The following FIGNL2 variants were observed in gnomAD, a reference collection of about 807,000 sequenced individuals.
FIGNL2 encodes the protein fidgetin like 2.
For synonymous variants in FIGNL2, 565 were observed against 484.0 expected (o/e 1.17, Z -2.20); for missense variants, 1,060 against 950.2 (o/e 1.12, Z -1.52).
At chr12:51,834,573 G>A (rs1213447513) in intron 1 of FIGNL2, among the ~76,000 whole-genome samples, 1 of 152,250 alleles carries the variant, frequency 6.6e-6, no homozygotes, top group Non-Finnish European at 1.5e-5. Flanking sequence ...GAGATGTGGT[G>A]AGGGGTGTGC....
At chr12:51,844,932 C>T (rs1939719662) in intron 1 of FIGNL2, 2 of 935,484 alleles carry the variant, frequency 2.1e-6, no homozygotes, top group African/African-American at 3.6e-5. Flanking sequence ...GTGGGGAGGT[C>T]AGGAAACCCA....
At chr12:51,844,562 C>T (rs1939712381) in intron 1 of FIGNL2, 1 of 434,818 alleles carries the variant, frequency 2.3e-6, no homozygotes, top group Non-Finnish European at 3.1e-6. Flanking sequence ...TTCATCCTCA[C>T]AATATCCTGC....
rs1310682027 is a variant in FIGNL2 at position 51,820,025 on chromosome 12, G to A, written c.*427C>T. 1.5e-5 allele frequency: 3 copies of A among 199,706 alleles called. No homozygotes were observed. Among genetic ancestry groups the A allele is most frequent in the Non-Finnish European group, 1.0e-5 (1 of 98,102 alleles). 12.4% of individuals were successfully genotyped at this position (199,706 alleles called of 1,614,324 possible). ...GGGCCAGCATGGGGTGGGCAGGGGT[G>A]TCAGCGACAAAGCAAAAGGGAGAGA... On this transcript the variant is annotated 3_prime_UTR_variant, in exon 2 of 2. Coordinates refer to ENST00000618634, the MANE Select transcript of FIGNL2 (RefSeq NM_001384995.1).
chr12:51,834,863 C>G (rs896033511), intron 1 of FIGNL2, among the ~76,000 whole-genome samples: 2 of 152,218 alleles, frequency 1.3e-5, no homozygotes, highest in African/African-American at 4.8e-5. Flanking sequence ...TCATAGTTAT[C>G]CATCGTTTTC....
chr12:51,837,225 A>G (rs1022377828), intron 1 of FIGNL2, among the ~76,000 whole-genome samples: 3 of 152,026 alleles, frequency 2.0e-5, no homozygotes, highest in African/African-American at 7.3e-5. Flanking sequence ...TAAAATCCCA[A>G]TTTACACACT....
Position 51,825,480 on chromosome 12 carries a change from C to CG in FIGNL2, c.-11-3057_-11-3056insC, listed in dbSNP as rs1188777528. On this transcript the variant is annotated intron_variant, in intron 1 of 1. Transcript: ENST00000618634. ...CCCTGGCTGTCACTGAGAACTGCTC[C>CG]ACCTTGGCAACTGTGGACTCCAGTA... Among the ~76,000 whole-genome samples the CG allele has an allele frequency of 1.2e-4, 18 of 152,282 alleles. No homozygotes were observed. The East Asian group carries it at 1.7e-3, about 15-fold the overall frequency.
Position 51,822,329 on chromosome 12 carries a change from CCGGCGA to C in FIGNL2, c.79_84del (p.Ser27_Pro28del). On this transcript the variant is annotated inframe_deletion, in exon 2 of 2. Coordinates refer to ENST00000618634, the MANE Select transcript of FIGNL2 (RefSeq NM_001384995.1). ...CCAGGGGGCAACTCCAACTTGTGGG[CCGGCGA>C]CGGGGTGGTGGAGGAGACGTCCAGG... is the stretch of plus-strand genomic sequence containing the variant. The C allele has an allele frequency of 6.2e-7, 1 of 1,613,066 alleles. No individual in the cohort carries two copies. The highest frequency in any genetic ancestry group is 2.2e-5 in the East Asian group (1 of 44,858).
In FIGNL2 at chr12:51,848,663, A is replaced by G; in HGVS notation, c.-135T>C. 1 of 455,378 alleles carries G rather than the reference A, an allele frequency of 2.2e-6. No individual in the cohort carries two copies. Among genetic ancestry groups the G allele is most frequent in the Non-Finnish European group, 2.9e-6 (1 of 346,086 alleles). 28.2% of individuals were successfully genotyped at this position (455,378 alleles called of 1,614,324 possible). ...GGGCTGGGGGGCAGTGGCGCTCACC[A>G]TCCTGGAGCCGCTGCTGCTGCGGCT... On this transcript the variant is annotated 5_prime_UTR_variant, in exon 1 of 2. It removes an upstream start codon present in the reference 5' UTR. Coordinates refer to ENST00000618634, the MANE Select transcript of FIGNL2 (RefSeq NM_001384995.1).
chr12:51,845,769 G>C lies in FIGNL2; in HGVS notation c.-12+2771C>G, dbSNP rs918280730. On this transcript the variant is annotated intron_variant, in intron 1 of 1. Coordinates refer to ENST00000618634, the MANE Select transcript of FIGNL2 (RefSeq NM_001384995.1). ...TAAGGGTCCAGCAATGGCAGCAGTC[G>C]GAGCTTGGGGGGAGAGTCGGGGGAG... The C allele has an allele frequency of 2.7e-5, 15 of 559,890 alleles. 1 individual carries two copies. The highest frequency in any genetic ancestry group is 3.0e-5 in the Non-Finnish European group (14 of 473,728). 34.7% of individuals were successfully genotyped at this position (559,890 alleles called of 1,614,324 possible). A position where few individuals can be genotyped will look rare whatever the true frequency, so the allele number is the denominator to read the frequency against.
At position 51,821,074 on chromosome 12, in the gene FIGNL2, G is replaced by T. The variant is rs1428758942; in HGVS notation, c.1340C>A (p.Thr447Lys). 4 of 1,286,550 alleles carry T rather than the reference G, an allele frequency of 3.1e-6. No individual in the cohort carries two copies. 79.7% of individuals were successfully genotyped at this position (1,286,550 alleles called of 1,614,324 possible). Reference sequence around the variant, plus strand: ...GCGCAACAGCGTGGCGCCCAGCTGCGTGGCGAGGCAGCGGCCCAGCAGCGC... The same window carrying T: ...GCGCAACAGCGTGGCGCCCAGCTGCTTGGCGAGGCAGCGGCCCAGCAGCGC... ...GKALLGRCLA[T>K]QLGATLLRLR... The change falls in exon 2 of 2, where the codon ACG becomes AAG. Residue 447 changes from threonine (T) to lysine (K), a missense_variant. Physicochemically the swap from Thr to Lys is moderately conservative, Grantham distance 78. Coordinates refer to ENST00000618634, the MANE Select transcript of FIGNL2 (RefSeq NM_001384995.1).
chr12:51,821,594 GC>G lies in FIGNL2; in HGVS notation c.819del (p.Glu275ArgfsTer104). The G allele has an allele frequency of 6.6e-7, 1 of 1,509,234 alleles. No individual in the cohort carries two copies. The highest frequency in any genetic ancestry group is 8.8e-7 in the Non-Finnish European group (1 of 1,135,066). The allele number at this position is 1,509,234 out of a possible 1,614,324, so 93.5% of individuals were successfully genotyped here. A position where few individuals can be genotyped will look rare whatever the true frequency, so the allele number is the denominator to read the frequency against. ...LSLKRKAADEGPEGRYRKYAY... is the reference protein window; with the variant it reads ...LSLKRKAADEXPEGRYRKYAY... ...GCGTACTTGCGGTAGCGGCCCTCGG[GC>G]CCCTCGTCGGCGGCCTTGCGCTTCA... On this transcript the variant is annotated frameshift_variant, in exon 2 of 2. Coordinates refer to ENST00000618634, the MANE Select transcript of FIGNL2 (RefSeq NM_001384995.1). LOFTEE classifies it low-confidence loss of function (END_TRUNC).
intron 1 of FIGNL2, among the ~76,000 whole-genome samples, chr12:51,833,095 T>C (rs1939502220): frequency 1.3e-5 from 2 of 152,182 alleles, no homozygotes; most frequent in African/African-American, 4.8e-5. Context: ...CTGACCAGAC[T>C]GGAGTGCAGC....
intron 1 of FIGNL2, chr12:51,847,554 T>G: frequency 2.0e-6 from 2 of 985,442 alleles, no homozygotes; most frequent in Non-Finnish European, 2.4e-6. Flanking sequence ...ACCGTCCCTT[T>G]AACAGCCCAC....
At chr12:51,827,097 G>C (rs992162189) in intron 1 of FIGNL2, among the ~76,000 whole-genome samples, 1 of 152,214 alleles carries the variant, frequency 6.6e-6, no homozygotes, top group East Asian at 1.9e-4. Context: ...CCCCAGGCCA[G>C]TTACAGCCCT....
At chr12:51,827,386 ATTTG>A (rs1432293640) in intron 1 of FIGNL2, among the ~76,000 whole-genome samples, 2 of 149,540 alleles carry the variant, frequency 1.3e-5, no homozygotes, top group African/African-American at 2.5e-5. Flanking sequence ...CCCCATTTCT[ATTTG>A]TTTTTTTTTT....
chr12:51,826,522 C>A, intron 1 of FIGNL2, among the ~76,000 whole-genome samples: 1 of 151,546 alleles, frequency 6.6e-6, no homozygotes, highest in East Asian at 1.9e-4. Context: ...ACCTGTAATC[C>A]CAGCTACTTG....
rs1184389049 is a variant in FIGNL2 at position 51,820,783 on chromosome 12, G to A, written c.1631C>T (p.Ala544Val). 1.4e-6 allele frequency: 2 copies of A among 1,479,678 alleles called. No individual in the cohort carries two copies. Among genetic ancestry groups the A allele is most frequent in the Non-Finnish European group, 8.9e-7 (1 of 1,123,824 alleles). The allele number at this position is 1,479,678 out of a possible 1,614,324, so 91.7% of individuals were successfully genotyped here. A position where few individuals can be genotyped will look rare whatever the true frequency, so the allele number is the denominator to read the frequency against. ...TTSRPAALDE[A>V]TRRRFSLRFY... The stretch of plus-strand genomic sequence containing the variant: ...GCGGAGAGAGAAGCGCCGGCGGGTC[G>A]CCTCGTCCAGAGCCGCGGGCCGCGA... Residue 544 changes from alanine to valine, a missense_variant, in exon 2 of 2, where the codon GCG (alanine) becomes GTG (valine). Coordinates refer to ENST00000618634, the MANE Select transcript of FIGNL2 (RefSeq NM_001384995.1).
chr12:51,826,763 T>C (rs1393364418), intron 1 of FIGNL2, among the ~76,000 whole-genome samples: 1 of 152,048 alleles, frequency 6.6e-6, no homozygotes, highest in East Asian at 1.9e-4. Flanking sequence ...AGAACTCAGC[T>C]GCCAAAGGAC....
chr12:51,847,446 C>G lies in FIGNL2; in HGVS notation c.-12+1094G>C, dbSNP rs559077871. On this transcript the variant is annotated intron_variant, in intron 1 of 1. Coordinates refer to ENST00000618634, the MANE Select transcript of FIGNL2 (RefSeq NM_001384995.1). ...CCGCCGCCACAGCCCGTGCGGACAA[C>G]ACAAACATTCTTCAGTCCTCTATTC... 14 of 985,500 alleles carry G rather than the reference C, an allele frequency of 1.4e-5. No homozygotes were observed. The South Asian group carries it at 3.3e-4, about 23-fold the overall frequency. The allele number at this position is 985,500 out of a possible 1,614,324, so 61.0% of individuals were successfully genotyped here. A position where few individuals can be genotyped will look rare whatever the true frequency, so the allele number is the denominator to read the frequency against.
Sources: allele counts gnomAD v4.1 joint callset (sites outside exome capture counted in the v4.1 genomes callset), GRCh38; gene constraint gnomAD v4.1.1; transcripts MANE v1.5; gene names NCBI Gene and HGNC (gene_info 2026-07-23, HGNC 2026-07-21).